CCDC178: variants seen among roughly 807,000 people sequenced by gnomAD.
CCDC178 encodes coiled-coil domain containing 178, also known as coiled-coil domain-containing protein 178.
Under a neutral mutation model 117.4 loss-of-function variants are expected in CCDC178, and 126 were observed. The observed-to-expected ratio is 1.07, with a 90% confidence interval of 0.93 to 1.24. The LOEUF (loss-of-function observed/expected upper bound fraction) is 1.24, where lower values mean the gene tolerates loss of function less well. Among genes scored for constraint, CCDC178 ranks in the 50% most tolerant of loss-of-function variants. The pLI, the probability that CCDC178 is intolerant of heterozygous loss-of-function variation, is 0.00. For missense variants in CCDC178, 1,030 were observed against 986.9 expected (o/e 1.04, Z -0.59); for synonymous variants, 283 against 313.4 (o/e 0.90, Z 1.02).
chr18:33,377,802 T>A (rs557126422), intron 5 of CCDC178, among the ~76,000 whole-genome samples: 1 of 152,294 alleles, frequency 6.6e-6, no homozygotes, highest in East Asian at 1.9e-4. Context: ...TTTCCATTGA[T>A]CTATATATCC....
At chr18:33,137,807 G>A (rs947754714) in intron 20 of CCDC178, among the ~76,000 whole-genome samples, 1 of 152,158 alleles carries the variant, frequency 6.6e-6, no homozygotes, top group Non-Finnish European at 1.5e-5. Context: ...GCAAGACTTG[G>A]AAGACACAAT....
intron 22 of CCDC178, among the ~76,000 whole-genome samples, chr18:32,956,415 G>A (rs1193891814): frequency 6.6e-6 from 1 of 152,096 alleles, no homozygotes; most frequent in East Asian, 1.9e-4. Context: ...TTTAACAGAT[G>A]CCATGATTGT....
At chr18:33,332,619 A>T (rs1382862205) in intron 10 of CCDC178, among the ~76,000 whole-genome samples, 1 of 152,052 alleles carries the variant, frequency 6.6e-6, no homozygotes, top group Admixed American at 6.6e-5. Context: ...TCTGTCATCC[A>T]GGCTGGATTG....
In CCDC178 at chr18:33,285,975, A is replaced by ATTT. The variant is rs60956262; in HGVS notation, c.1176+7181_1176+7183dup. Reference sequence around the variant, plus strand: ...ATTATTTAAAAAATTAGCAATGTGTATTTTTTTTTTTTTTTTGAGATGGAG... The same window carrying ATTT: ...ATTATTTAAAAAATTAGCAATGTGTATTTTTTTTTTTTTTTTTTTGAGATGGAG... On this transcript the variant is annotated intron_variant, in intron 12 of 22. Transcript: ENST00000383096. 7.1e-3 allele frequency among the ~76,000 whole-genome samples: 979 copies of ATTT among 138,040 alleles called. 34 individuals carry two copies. Among genetic ancestry groups the ATTT allele is most frequent in the South Asian group, 0.033 (148 of 4,480 alleles). The allele number at this position is 138,040 out of a possible 152,430, so 90.6% of individuals were successfully genotyped here.
At chr18:33,316,361 T>C (rs899376479) in intron 11 of CCDC178, among the ~76,000 whole-genome samples, 2 of 152,128 alleles carry the variant, frequency 1.3e-5, no homozygotes, top group Admixed American at 1.3e-4. Context: ...GCTTAGCACC[T>C]GGGCGGGCAG....
chr18:33,258,563 T>C (rs2059707224), intron 14 of CCDC178, among the ~76,000 whole-genome samples: 1 of 152,206 alleles, frequency 6.6e-6, no homozygotes, highest in Non-Finnish European at 1.5e-5. Flanking sequence ...ATGACTACAA[T>C]TTTAACTATA....
rs576585861 is a variant in CCDC178, at chr18:33,163,881, G to C, written c.2238+48015C>G. Among the ~76,000 whole-genome samples, 13 of 152,206 alleles carry C rather than the reference G, an allele frequency of 8.5e-5. 1 individual carries two copies. The East Asian group carries it at 2.5e-3, about 29-fold the overall frequency. ...CCAATCATATTGCATAAAATCAATT[G>C]CATCTGTGGAAAGTTAAATGCGAAA... On this transcript the variant is annotated intron_variant, in intron 20 of 22. Coordinates refer to ENST00000383096, the MANE Select transcript of CCDC178 (RefSeq NM_001105528.4).
intron 21 of CCDC178, among the ~76,000 whole-genome samples, chr18:33,039,752 A>G (rs1249581648): frequency 1.3e-5 from 2 of 151,966 alleles, no homozygotes; most frequent in South Asian, 4.1e-4. Context: ...CAATACAATG[A>G]CCCTTCAGAA....
chr18:33,338,552 A>G (rs1472543695), intron 9 of CCDC178, among the ~76,000 whole-genome samples: 1 of 152,200 alleles, frequency 6.6e-6, no homozygotes, highest in Admixed American at 6.6e-5. Flanking sequence ...TATACCATGG[A>G]ATACTACTCA....
intron 20 of CCDC178, among the ~76,000 whole-genome samples, chr18:33,206,709 G>C (rs1349813010): frequency 1.3e-5 from 2 of 152,042 alleles, no homozygotes; most frequent in Non-Finnish European, 2.9e-5. Flanking sequence ...CTTCAGAAAA[G>C]AGCCAAGCTC....
chr18:33,272,262 T>C (rs1181495512), intron 12 of CCDC178, among the ~76,000 whole-genome samples: 1 of 151,476 alleles, frequency 6.6e-6, no homozygotes, highest in Non-Finnish European at 1.5e-5. Context: ...TATAAGAGAA[T>C]ATTATAAAAC....
Position 33,180,616 on chromosome 18 carries a change from T to C in CCDC178, c.2238+31280A>G, listed in dbSNP as rs544251781. ...GTGTCACATATTTTAATCTCAAACA[T>C]GTCACAGAATGTGACCTACTTCAAT... On this transcript the variant is annotated intron_variant, in intron 20 of 22. Transcript: ENST00000383096. Among the ~76,000 whole-genome samples the C allele has an allele frequency of 7.6e-4, 115 of 152,086 alleles. 1 individual carries two copies. Among genetic ancestry groups the C allele is most frequent in the African/African-American group, 2.7e-3 (111 of 41,556 alleles).
intron 5 of CCDC178, among the ~76,000 whole-genome samples, chr18:33,376,228 G>T (rs2063363969): frequency 6.6e-6 from 1 of 152,054 alleles, no homozygotes; most frequent in Admixed American, 6.6e-5. Flanking sequence ...GTTAACAACT[G>T]CTTGACCATC....
intron 4 of CCDC178, among the ~76,000 whole-genome samples, chr18:33,392,111 C>T (rs565320595): frequency 1.8e-4 from 28 of 151,966 alleles, no homozygotes; most frequent in African/African-American, 5.3e-4. Context: ...GTGATCCGCC[C>T]GCCTTGGCCT....
chr18:33,414,008 C>T (rs188754969), intron 2 of CCDC178, among the ~76,000 whole-genome samples: 1 of 152,198 alleles, frequency 6.6e-6, no homozygotes, highest in East Asian at 1.9e-4. Flanking sequence ...ACTCAACATA[C>T]AAAATGACTA....
At chr18:33,220,663 G>A (rs1011645868) in intron 18 of CCDC178, among the ~76,000 whole-genome samples, 1 of 152,054 alleles carries the variant, frequency 6.6e-6, no homozygotes, top group African/African-American at 2.4e-5. Flanking sequence ...GAAATGATCT[G>A]AGCCGTGTGT....
At position 33,009,353 on chromosome 18, in the gene CCDC178, A is replaced by G. The variant is rs527678139; in HGVS notation, c.2389-34672T>C. Among the ~76,000 whole-genome samples, 3 of 152,224 alleles carry G rather than the reference A, an allele frequency of 2.0e-5. No homozygotes were observed. In the South Asian group the frequency reaches 6.2e-4, roughly 32 times the overall value. On this transcript the variant is annotated intron_variant, in intron 21 of 22. Coordinates refer to ENST00000383096, the MANE Select transcript of CCDC178 (RefSeq NM_001105528.4). The stretch of plus-strand genomic sequence containing the variant: ...TCCAGCTCACTCTAAGGAAAAGACA[A>G]TGGTCTTTAGGTCTCTAAATAATAT...
intron 21 of CCDC178, among the ~76,000 whole-genome samples, chr18:33,008,728 TA>T (rs552224016): frequency 9.0e-4 from 137 of 152,114 alleles, no homozygotes; most frequent in African/African-American, 3.1e-3. Context: ...ATAATTCTGT[TA>T]AAAAAATTCT....
At chr18:33,256,352 T>A (rs931872226) in intron 14 of CCDC178, among the ~76,000 whole-genome samples, 2 of 152,040 alleles carry the variant, frequency 1.3e-5, no homozygotes, top group Non-Finnish European at 2.9e-5. Context: ...AACTATGTCT[T>A]GAACAGGGCA....
Sources: gnomAD v4.1 joint callset for allele counts (sites outside exome capture counted in the v4.1 genomes callset) on GRCh38, gnomAD v4.1.1 for gene constraint, MANE v1.5 for transcripts, NCBI Gene and HGNC (gene_info 2026-07-23, HGNC 2026-07-21) for gene names.